Variants in MAGEA11 observed in about 807,000 individuals in gnomAD.
MAGEA11 encodes melanoma-associated antigen 11.
A neutral mutation model predicts 8.4 loss-of-function variants in MAGEA11; 1 was observed. The observed-to-expected ratio is 0.12, with a 90% confidence interval of 0.04 to 0.57. The LOEUF (loss-of-function observed/expected upper bound fraction) is 0.57. Ranked by LOEUF, MAGEA11 falls within the 20% of genes least tolerant of loss-of-function variation. The pLI is 0.91. For missense variants in MAGEA11, 209 were observed against 317.3 expected, an observed-to-expected ratio of 0.66 and a Z score of 2.59; for synonymous variants, 127 against 119.3, an observed-to-expected ratio of 1.06 and a Z score of -0.42.
At chrX:149,696,097 C>T (rs1207629316) in intron 1 of MAGEA11, among the ~76,000 whole-genome samples, 3 of 111,215 alleles carry the variant, frequency 2.7e-5, no homozygotes, top group African/African-American at 9.8e-5. Context: ...GATGCTGGTT[C>T]CTAACTAGCC....
chrX:149,689,213 T>G (rs1557359937), intron 1 of MAGEA11, among the ~76,000 whole-genome samples: 1 of 111,226 alleles, frequency 9.0e-6, no homozygotes, highest in East Asian at 2.8e-4. Context: ...GAGGATTGGT[T>G]TAAAGTGCAG....
chrX:149,691,007 A>C (rs1208693893), intron 1 of MAGEA11, among the ~76,000 whole-genome samples: 1 of 111,935 alleles, frequency 8.9e-6, no homozygotes, highest in Non-Finnish European at 1.9e-5. Flanking sequence ...ATCTGCTGTC[A>C]TCGTTATCTT....
In MAGEA11 at chrX:149,716,363, A is replaced by G. The variant is rs782528051; in HGVS notation, c.877A>G (p.Thr293Ala). Residue 293 changes from threonine to alanine, a missense_variant, in exon 5 of 5, where the codon ACC becomes GCC. Thr to Ala is a moderately conservative substitution (Grantham distance 58). This residue lies in a region of MAGEA11 where 78 missense variants were observed against 178.8 expected (regional missense o/e 0.44). Coordinates refer to ENST00000355220, the MANE Select transcript of MAGEA11 (RefSeq NM_005366.5). Reference sequence around the variant, plus strand: ...CACTAGCCACTCCTATGTCCTTGTCACCTCCCTCAACCTCTCTTATGATGG... The same window carrying G: ...CACTAGCCACTCCTATGTCCTTGTCGCCTCCCTCAACCTCTCTTATGATGG... ...DPTSHSYVLVTSLNLSYDGIQ... is the reference protein window; with the variant it reads ...DPTSHSYVLVASLNLSYDGIQ... The G allele has an allele frequency of 1.7e-6, 2 of 1,209,298 alleles. No individual in the cohort carries two copies. Among genetic ancestry groups the G allele is most frequent in the African/African-American group, 3.5e-5 (2 of 56,930 alleles).
chrX:149,695,437 T>C (rs1373971304), intron 1 of MAGEA11, among the ~76,000 whole-genome samples: 1 of 111,122 alleles, frequency 9.0e-6, no homozygotes, highest in East Asian at 2.8e-4. Context: ...CTTTTTGTGC[T>C]CTAAAAGGCA....
chrX:149,708,241 G>A (rs2880927), upstream of MAGEA11, among the ~76,000 whole-genome samples: 46,614 of 110,596 alleles, frequency 0.42, 7,540 homozygotes, highest in Non-Finnish European at 0.48. Context: ...TAGGATTCTT[G>A]TAGTTTGAGG....
chrX:149,689,651 AG>A (rs2090302052), intron 1 of MAGEA11, among the ~76,000 whole-genome samples: 1 of 112,382 alleles, frequency 8.9e-6, no homozygotes, highest in African/African-American at 3.2e-5. Context: ...CTGTGCTAGA[AG>A]ACCTTCCTCA....
rs192726158 is a variant in MAGEA11, at chrX:149,717,151, G to T, written c.*375G>T. The T allele has an allele frequency of 4.5e-5, 6 of 132,241 alleles. No homozygotes were observed. In the East Asian group the frequency reaches 1.1e-3, roughly 23 times the overall value. 10.9% of individuals were successfully genotyped at this position (132,241 alleles called of 1,213,427 possible). A position where few individuals can be genotyped will look rare whatever the true frequency, so the allele number is the denominator to read the frequency against. Reference sequence around the variant, plus strand: ...TGTTTGCCATTTTGTAAAACATTTTGGGAAATCTTCCATCTTGCTGTGATT... The same window carrying T: ...TGTTTGCCATTTTGTAAAACATTTTTGGAAATCTTCCATCTTGCTGTGATT... On this transcript the variant is annotated 3_prime_UTR_variant, in exon 5 of 5. Coordinates refer to ENST00000355220, the MANE Select transcript of MAGEA11 (RefSeq NM_005366.5).
upstream of MAGEA11, among the ~76,000 whole-genome samples, chrX:149,710,473 G>A (rs1446498307): frequency 9.0e-6 from 1 of 111,244 alleles, no homozygotes; most frequent in African/African-American, 3.3e-5. Context: ...TTTTGAGACA[G>A]GACCTCACTC....
intron 1 of MAGEA11, among the ~76,000 whole-genome samples, chrX:149,712,912 C>A (rs2090408786): frequency 8.9e-6 from 1 of 112,441 alleles, no homozygotes; most frequent in Non-Finnish European, 1.9e-5. Flanking sequence ...GCTGTCAGTC[C>A]TGGGAAGTTC....
At chrX:149,712,483 GC>G (rs1364090435) in intron 1 of MAGEA11, among the ~76,000 whole-genome samples, 1 of 112,094 alleles carries the variant, frequency 8.9e-6, no homozygotes, top group Non-Finnish European at 1.9e-5. Context: ...GGACCTCCGG[GC>G]TTGGTACTGC....
intron 1 of MAGEA11, among the ~76,000 whole-genome samples, chrX:149,705,307 C>T (rs1490888763): frequency 9.0e-6 from 1 of 111,420 alleles, no homozygotes; most frequent in Non-Finnish European, 1.9e-5. Context: ...CTATGCTGTT[C>T]TCGTGATAGT....
chrX:149,698,849 C>T (rs1399850025), intron 1 of MAGEA11, among the ~76,000 whole-genome samples: 1 of 111,192 alleles, frequency 9.0e-6, no homozygotes, highest in Non-Finnish European at 1.9e-5. Context: ...GTATGAGTGA[C>T]AACATGTGAT....
chrX:149,697,583 C>T (rs782479354), intron 1 of MAGEA11, among the ~76,000 whole-genome samples: 12 of 110,195 alleles, frequency 1.1e-4, no homozygotes, highest in African/African-American at 2.3e-4. Flanking sequence ...CAGATGCTTT[C>T]GCCCCTACCA....
At chrX:149,696,672 T>C (rs1557360569) in intron 1 of MAGEA11, among the ~76,000 whole-genome samples, 1 of 110,890 alleles carries the variant, frequency 9.0e-6, no homozygotes, top group Admixed American at 9.5e-5. Context: ...TAGTTCTCAG[T>C]CCTAACCCAC....
upstream of MAGEA11, among the ~76,000 whole-genome samples, chrX:149,708,729 C>T (rs1557361676): frequency 9.0e-6 from 1 of 110,907 alleles, no homozygotes; most frequent in South Asian, 3.9e-4. Flanking sequence ...TGCACTGTAC[C>T]ATGAACTGGC....
chrX:149,696,524 C>A (rs1557360554), intron 1 of MAGEA11, among the ~76,000 whole-genome samples: 2 of 110,962 alleles, frequency 1.8e-5, no homozygotes, highest in African/African-American at 6.6e-5. Context: ...GATGTACTTT[C>A]CTGAGATGGC....
chrX:149,693,724 T>C (rs2090319596), intron 1 of MAGEA11, among the ~76,000 whole-genome samples: 1 of 112,152 alleles, frequency 8.9e-6, no homozygotes, highest in African/African-American at 3.2e-5. Context: ...TCACTTTCCG[T>C]TCCCTCTTCT....
chrX:149,711,462 G>A (rs187395122), upstream of MAGEA11, among the ~76,000 whole-genome samples: 474 of 111,963 alleles, frequency 4.2e-3, 4 homozygotes, highest in African/African-American at 0.015. Flanking sequence ...TCTTCTCCCA[G>A]AGGTCACTAC....
chrX:149,694,890 T>A (rs2090324718), intron 1 of MAGEA11, among the ~76,000 whole-genome samples: 1 of 110,590 alleles, frequency 9.0e-6, no homozygotes, highest in Non-Finnish European at 1.9e-5. Context: ...CCCGGCTACC[T>A]TTTGTATTTT....
Sources: gnomAD v4.1 joint callset for allele counts (sites outside exome capture counted in the v4.1 genomes callset) on GRCh38, gnomAD v4.1.1 for gene constraint, gnomAD v4.1.1 regional missense constraint, MANE v1.5 for transcripts, NCBI Gene and HGNC (gene_info 2026-07-23, HGNC 2026-07-21) for gene names.